BRD7: variants seen among roughly 807,000 people sequenced by gnomAD.
BRD7 encodes the protein bromodomain containing 7, also known as bromodomain-containing protein 7.
Under a neutral mutation model 82.1 loss-of-function variants are expected in BRD7, and 15 were observed. The observed-to-expected ratio is 0.18, with a 90% CI of 0.12 to 0.28. The LOEUF is 0.28. Ranked by LOEUF, BRD7 falls within the 10% of genes least tolerant of loss-of-function variation. BRD7 has a pLI of 1.00. For synonymous variants in BRD7, 232 were observed against 266.9 expected (o/e 0.87, Z 1.27); for missense variants, 638 against 779.9 (o/e 0.82, Z 2.17).
intron 12 of BRD7, 64 bp from the exon 13 acceptor site, chr16:50,322,102 GA>G: frequency 2.3e-6 from 3 of 1,331,068 alleles, no homozygotes; most frequent in Non-Finnish European, 3.1e-6. Context: ...AAGGAAAAGA[GA>G]AAACTGTCAG....
At chr16:50,336,899 A>G (rs2037824508) in intron 6 of BRD7, among the ~76,000 whole-genome samples, 1 of 152,236 alleles carries the variant, frequency 6.6e-6, no homozygotes, top group African/African-American at 2.4e-5. Context: ...CCTCCAAGTC[A>G]GCACATTATT....
chr16:50,342,637 G>A (rs895312747), intron 5 of BRD7, among the ~76,000 whole-genome samples: 1 of 151,896 alleles, frequency 6.6e-6, no homozygotes, highest in African/African-American at 2.4e-5. Flanking sequence ...TACCCAGGAT[G>A]GTCTTGATCT....
chr16:50,321,582 A>G (rs865774960), intron 13 of BRD7, among the ~76,000 whole-genome samples: 7 of 151,684 alleles, frequency 4.6e-5, no homozygotes, highest in South Asian at 2.1e-4. Flanking sequence ...AAAAAAAAAA[A>G]AAAAAAAAAA....
chr16:50,334,634 A>G lies in BRD7; in HGVS notation c.887+77T>C, dbSNP rs1385302213. On this transcript the variant is annotated intron_variant, in intron 7 of 16. Transcript: ENST00000394688. ...CACTAGCACTTGGTCTTCCCAAGTC[A>G]GGCCCCGAATAAGTATTTTTCCCCC... is the stretch of plus-strand genomic sequence containing the variant. 45 of 1,511,014 alleles carry G rather than the reference A, an allele frequency of 3.0e-5. 1 individual carries two copies. The South Asian group carries it at 5.4e-4, about 18-fold the overall frequency. The allele number at this position is 1,511,014 out of a possible 1,614,324, so 93.6% of individuals were successfully genotyped here.
In BRD7 at chr16:50,368,298, T is replaced by G; in HGVS notation, c.50A>C (p.Glu17Ala). The change falls in exon 2 of 17, where the codon GAG becomes GCG. Residue 17 changes from glutamate (E) to alanine (A), a missense_variant and splice_region_variant. Physicochemically the swap from Glu to Ala is moderately radical, Grantham distance 107. Around this residue, in one of 3 missense-constraint regions of BRD7, gnomAD observed 172 missense variants for 155.3 expected, o/e 1.11. Coordinates refer to ENST00000394688, the MANE Select transcript of BRD7 (RefSeq NM_013263.5). ...KHKSDKHLYE[E>A]YVEKPLKLVL... ...CAGCTTCAAGGGCTTCTCTACATAC[T>G]CTTAAAAAAAGAAAAGAAAAGAAAG... The G allele has an allele frequency of 6.2e-7, 1 of 1,610,894 alleles. No homozygotes were observed. Among genetic ancestry groups the G allele is most frequent in the Non-Finnish European group, 8.5e-7 (1 of 1,179,218 alleles).
intron 8 of BRD7, among the ~76,000 whole-genome samples, chr16:50,331,683 GAC>G (rs1396681597): frequency 3.9e-5 from 6 of 152,182 alleles, no homozygotes; most frequent in Admixed American, 6.6e-5. Flanking sequence ...CAGCCTGGGC[GAC>G]AGAGTGACAC....
At chr16:50,339,626 T>C (rs1299707268) in intron 6 of BRD7, among the ~76,000 whole-genome samples, 2 of 152,198 alleles carry the variant, frequency 1.3e-5, no homozygotes, top group Non-Finnish European at 2.9e-5. Flanking sequence ...CAACGTTAGA[T>C]TCCACCCCTA....
chr16:50,340,328 T>G (rs541094141), intron 5 of BRD7, among the ~76,000 whole-genome samples: 1 of 152,232 alleles, frequency 6.6e-6, no homozygotes, highest in Non-Finnish European at 1.5e-5. Flanking sequence ...AGTACCTGTA[T>G]ATAAACTGTA....
At chr16:50,321,237 A>G (rs1011227111) in intron 13 of BRD7, among the ~76,000 whole-genome samples, 4 of 152,196 alleles carry the variant, frequency 2.6e-5, no homozygotes, top group African/African-American at 9.6e-5. Context: ...CTAGGCTGTC[A>G]GTATTGCATG....
At chr16:50,360,079 G>A (rs1251617428) in intron 2 of BRD7, among the ~76,000 whole-genome samples, 1 of 152,152 alleles carries the variant, frequency 6.6e-6, no homozygotes, top group African/African-American at 2.4e-5. Context: ...CAGATTATTA[G>A]GATTTAACAC....
intron 6 of BRD7, among the ~76,000 whole-genome samples, chr16:50,337,996 G>A (rs944980985): frequency 6.6e-6 from 1 of 152,106 alleles, no homozygotes; most frequent in Non-Finnish European, 1.5e-5. Context: ...AGAGATAATG[G>A]AATCTTTTGC....
chr16:50,322,024 A>T lies in BRD7; in HGVS notation c.1458T>A (p.Asp486Glu). ...LQEMEMSLPE[D>E]EGHTRTLDTA... ...TGTCAAGTGTCCTAGTATGGCCTTC[A>T]TCTTCAGGCAATGACTATAAGGATG... The change falls in exon 13 of 17, where the codon GAT becomes GAA. Residue 486 changes from aspartate (D) to glutamate (E), a missense_variant. Coordinates refer to ENST00000394688, the MANE Select transcript of BRD7 (RefSeq NM_013263.5). 6.2e-7 allele frequency: 1 copy of T among 1,610,964 alleles called. No individual in the cohort carries two copies.
intron 1 of BRD7, 196 bp downstream of exon 1, chr16:50,368,530 G>C (rs1237369172): frequency 2.9e-6 from 2 of 697,812 alleles, no homozygotes; most frequent in Non-Finnish European, 4.4e-6. Context: ...GAGACCCACC[G>C]GACCAGGGGG....
At chr16:50,340,873 G>T (rs1405197842) in intron 5 of BRD7, among the ~76,000 whole-genome samples, 1 of 151,982 alleles carries the variant, frequency 6.6e-6, no homozygotes, top group Non-Finnish European at 1.5e-5. Context: ...TTATGCCAAG[G>T]CCTTACTAAG....
intron 2 of BRD7, among the ~76,000 whole-genome samples, chr16:50,358,182 T>C (rs975761981): frequency 2.0e-5 from 3 of 152,130 alleles, no homozygotes; most frequent in Admixed American, 2.0e-4. Context: ...TTACAAAAAC[T>C]GTTGGCCAAC....
chr16:50,349,626 G>A, intron 5 of BRD7: 1 of 470,910 alleles, frequency 2.1e-6, no homozygotes, highest in Non-Finnish European at 4.4e-6. Flanking sequence ...AGGCAGTTCT[G>A]TATAGCGGTG....
chr16:50,329,563 C>T (rs537630409), intron 8 of BRD7, among the ~76,000 whole-genome samples: 7 of 152,176 alleles, frequency 4.6e-5, no homozygotes, highest in Non-Finnish European at 8.8e-5. Flanking sequence ...GCCACTTCCT[C>T]GTTGAGTGGT....
intron 5 of BRD7, among the ~76,000 whole-genome samples, chr16:50,346,407 A>G (rs1383250754): frequency 6.6e-6 from 1 of 152,220 alleles, no homozygotes; most frequent in African/African-American, 2.4e-5. Context: ...GAAGGCAAGA[A>G]ATAACTAAGA....
chr16:50,329,649 G>A lies in BRD7; in HGVS notation c.1012-905C>T, dbSNP rs1336241131. Among the ~76,000 whole-genome samples, 8 of 152,240 alleles carry A rather than the reference G, an allele frequency of 5.3e-5. No individual in the cohort carries two copies. The East Asian group carries it at 1.4e-3, about 26-fold the overall frequency. ...CACTAGTGTATTTGGAGTGATTGTC[G>A]GCTGAGAGCCATCCATCGCACTGTG... On this transcript the variant is annotated intron_variant, in intron 8 of 16. Coordinates refer to ENST00000394688, the MANE Select transcript of BRD7 (RefSeq NM_013263.5).
Sources: allele counts gnomAD v4.1 joint callset (sites outside exome capture counted in the v4.1 genomes callset), GRCh38; gene constraint gnomAD v4.1.1; regional missense constraint gnomAD v4.1.1; transcripts MANE v1.5; gene names NCBI Gene and HGNC (gene_info 2026-07-23, HGNC 2026-07-21).